The following BBOX1 variants were observed in gnomAD, a reference collection of about 807,000 sequenced individuals.
The protein encoded by BBOX1 is gamma-butyrobetaine hydroxylase 1.
BBOX1 carries 35 observed loss-of-function variants against 41.6 expected under a neutral mutation model. That is an observed-to-expected ratio of 0.84 (90% CI 0.64 to 1.11). BBOX1 has a LOEUF of 1.11. BBOX1 is among the 50% of genes most tolerant of loss of function. The probability of loss-of-function intolerance (pLI) is 0.00; values close to 1 mark genes in which losing one functional copy is unlikely to be tolerated. For missense variants in BBOX1, 458 were observed against 460.6 expected (o/e 0.99, Z 0.05); for synonymous variants, 163 against 154.7 (o/e 1.05, Z -0.40).
At position 27,081,102 on chromosome 11, in the gene BBOX1, A is replaced by G. The variant is rs79939420; in HGVS notation, c.335-12066A>G. Among the ~76,000 whole-genome samples the G allele has an allele frequency of 9.2e-5, 14 of 152,264 alleles. No individual in the cohort carries two copies. The East Asian group carries it at 2.1e-3, about 23-fold the overall frequency. ...CCAGATTTTTCACCTTCAAACCTTG[A>G]GTTGTTAAATTTGACAAAGGATCAT... is the stretch of plus-strand genomic sequence containing the variant. On this transcript the variant is annotated intron_variant, in intron 4 of 8. Coordinates refer to ENST00000263182, the MANE Select transcript of BBOX1 (RefSeq NM_003986.3).
rs1169078221 is a variant in BBOX1, at chr11:27,127,306, T to G, written c.1017T>G (p.Thr339=). 17 of 1,613,684 alleles carry G rather than the reference T, an allele frequency of 1.1e-5. No individual in the cohort carries two copies. The highest frequency in any genetic ancestry group is 1.4e-5 in the Non-Finnish European group (16 of 1,179,950). Residue 339 remains threonine, a synonymous_variant, in exon 9 of 9, where the codon ACT becomes ACG. Coordinates refer to ENST00000263182, the MANE Select transcript of BBOX1 (RefSeq NM_003986.3). ...TCTTTTCTTTAGGTGATGTGATTACTTTTGATAACTGGCGCTTACTTCATG... is the reference window on the plus strand; with the variant it reads ...TCTTTTCTTTAGGTGATGTGATTACGTTTGATAACTGGCGCTTACTTCATG... ...TFKMNPGDVI[T]FDNWRLLHGR...
At chr11:27,093,076 C>T in intron 4 of BBOX1, 92 bp from the exon 5 acceptor site, 2 of 1,221,344 alleles carry the variant, frequency 1.6e-6, no homozygotes, top group Non-Finnish European at 2.3e-6. Context: ...AATCAACAAT[C>T]AACTTTAATG....
At chr11:27,054,985 T>C (rs981516316) in intron 2 of BBOX1, among the ~76,000 whole-genome samples, 6 of 152,158 alleles carry the variant, frequency 3.9e-5, no homozygotes, top group Admixed American at 3.9e-4. Flanking sequence ...CATGTCCAAG[T>C]GGGCACCAGT....
intron 4 of BBOX1, among the ~76,000 whole-genome samples, chr11:27,089,939 G>A (rs1245091073): frequency 6.6e-6 from 1 of 151,856 alleles, no homozygotes; most frequent in Non-Finnish European, 1.5e-5. Flanking sequence ...CTTTTTAATT[G>A]GTATCAGATA....
At chr11:27,095,263 C>T (rs1037045880) in intron 5 of BBOX1, among the ~76,000 whole-genome samples, 2 of 151,974 alleles carry the variant, frequency 1.3e-5, no homozygotes, top group African/African-American at 2.4e-5. Context: ...TGTTCCAAGG[C>T]ATTTCACAAT....
At position 27,099,061 on chromosome 11, in the gene BBOX1, T is replaced by C. The variant is rs148303187; in HGVS notation, c.533+5695T>C. Among the ~76,000 whole-genome samples, 588 of 152,064 alleles carry C rather than the reference T, an allele frequency of 3.9e-3. 4 individuals are homozygous for C. The highest frequency in any genetic ancestry group is 4.6e-3 in the Non-Finnish European group (313 of 67,980). ...GGAATATGTGCTAAGTAAGATATTG[T>C]AGACTTCCATCTGAACAAGACAACA... On this transcript the variant is annotated intron_variant, in intron 5 of 8. Coordinates refer to ENST00000263182, the MANE Select transcript of BBOX1 (RefSeq NM_003986.3).
chr11:27,103,962 C>G (rs985866199), intron 5 of BBOX1, among the ~76,000 whole-genome samples: 1 of 152,128 alleles, frequency 6.6e-6, no homozygotes, highest in African/African-American at 2.4e-5. Flanking sequence ...TGGTTTTAAG[C>G]TATGTTTCAA....
rs766200375 is a variant in BBOX1, at chr11:27,043,226, GCTAA to G, written c.-39+1751_-39+1754del. Among the ~76,000 whole-genome samples, 9 of 152,156 alleles carry G rather than the reference GCTAA, an allele frequency of 5.9e-5. No individual in the cohort carries two copies. The South Asian group carries it at 1.0e-3, about 18-fold the overall frequency. On this transcript the variant is annotated intron_variant, in intron 2 of 8. Transcript: ENST00000263182. ...CTACAGGCGCCCGCCACCACGCCCG[GCTAA>G]CTTTTTGTATTTTTAGTAGAGACGG...
intron 4 of BBOX1, among the ~76,000 whole-genome samples, chr11:27,089,641 C>A (rs910084357): frequency 2.6e-5 from 4 of 151,900 alleles, no homozygotes; most frequent in Non-Finnish European, 5.9e-5. Context: ...ATCGAAAAAT[C>A]AATATGAAAA....
chr11:27,095,172 G>A (rs1414288572), intron 5 of BBOX1, among the ~76,000 whole-genome samples: 2 of 151,926 alleles, frequency 1.3e-5, no homozygotes, highest in African/African-American at 2.4e-5. Flanking sequence ...AGCCACTGGT[G>A]TTAAACAGGA....
chr11:27,043,459 C>CAGAATGTGCAGGTTTGGGGTAAAT (rs1564948369), intron 2 of BBOX1, among the ~76,000 whole-genome samples: 1 of 151,306 alleles, frequency 6.6e-6, no homozygotes. Flanking sequence ...TTGGGGTACA[C>CAGAATGTGCAGGTTTGGGGTAAAT]GTGCAGAATG....
At position 27,063,762 on chromosome 11, in the gene BBOX1, C is replaced by T. The variant is rs111690328; in HGVS notation, c.334+6447C>T. On this transcript the variant is annotated intron_variant, in intron 4 of 8. Coordinates refer to ENST00000263182, the MANE Select transcript of BBOX1 (RefSeq NM_003986.3). The stretch of plus-strand genomic sequence containing the variant: ...ATAGCCCTTCAGTCTATAGCTATAA[C>T]GCACTCCTTTGTTTCAAAAGTAGCA... Among the ~76,000 whole-genome samples, 335 of 152,064 alleles carry T rather than the reference C, an allele frequency of 2.2e-3. 2 individuals are homozygous for T. The highest frequency in any genetic ancestry group is 7.2e-3 in the African/African-American group (297 of 41,512).
intron 3 of BBOX1, 148 bp downstream of exon 3, chr11:27,055,797 T>C: frequency 1.6e-6 from 1 of 623,910 alleles, no homozygotes; most frequent in Non-Finnish European, 2.7e-6. Flanking sequence ...GCGAATTAAG[T>C]ATATTCAGTA....
At chr11:27,117,783 T>G (rs374963191) in intron 6 of BBOX1, among the ~76,000 whole-genome samples, 2 of 152,026 alleles carry the variant, frequency 1.3e-5, no homozygotes, top group East Asian at 1.9e-4. Flanking sequence ...ATTATACTAC[T>G]TCAAAGCAGT....
At chr11:27,050,520 T>C (rs919606877) in intron 2 of BBOX1, among the ~76,000 whole-genome samples, 2 of 152,142 alleles carry the variant, frequency 1.3e-5, no homozygotes, top group Non-Finnish European at 2.9e-5. Flanking sequence ...TCTCATTTAA[T>C]TTTTTTGTCA....
intron 2 of BBOX1, among the ~76,000 whole-genome samples, chr11:27,054,234 T>TGTA (rs1491475061): frequency 1.3e-5 from 2 of 148,188 alleles, no homozygotes; most frequent in African/African-American, 5.0e-5. Context: ...TGTGTGTGTG[T>TGTA]GCGTGCACAT....
rs528658686 is a variant in BBOX1 at position 27,061,404 on chromosome 11, A to G, written c.334+4089A>G. The stretch of plus-strand genomic sequence containing the variant: ...TTTTAATAGTTTAAAACAAGATCAG[A>G]TTTTTAAAATACATTCTCAAGCTGT... On this transcript the variant is annotated intron_variant, in intron 4 of 8. Transcript: ENST00000263182. Among the ~76,000 whole-genome samples the G allele has an allele frequency of 4.6e-5, 7 of 152,348 alleles. No homozygotes were observed. In the South Asian group the frequency reaches 1.4e-3, roughly 32 times the overall value.
chr11:27,103,448 G>T (rs1306560199), intron 5 of BBOX1, among the ~76,000 whole-genome samples: 1 of 151,872 alleles, frequency 6.6e-6, no homozygotes, highest in Admixed American at 6.6e-5. Context: ...AGTCTTCTTT[G>T]CCGGTCCTCT....
At chr11:27,081,191 C>T (rs915726120) in intron 4 of BBOX1, among the ~76,000 whole-genome samples, 1 of 152,118 alleles carries the variant, frequency 6.6e-6, no homozygotes, top group African/African-American at 2.4e-5. Context: ...AATGAACTAG[C>T]TTCAGAAATA....
Sources: allele counts gnomAD v4.1 joint callset (sites outside exome capture counted in the v4.1 genomes callset), GRCh38; gene constraint gnomAD v4.1.1; transcripts MANE v1.5; gene names NCBI Gene and HGNC (gene_info 2026-07-23, HGNC 2026-07-21).